Variants in TMEFF1 observed in about 807,000 individuals in gnomAD.
The protein encoded by TMEFF1 is transmembrane protein with EGF like and two follistatin like domains 1.
TMEFF1 carries 20 observed loss-of-function variants against 47.5 expected under a neutral mutation model. The observed-to-expected ratio is 0.42, with a 90% CI of 0.30 to 0.61. The LOEUF is 0.61. TMEFF1 is among the 20% of genes least tolerant of loss of function. The pLI, the probability that TMEFF1 is intolerant of heterozygous loss-of-function variation, is 0.19. For synonymous variants in TMEFF1, 162 were observed against 166.3 expected (o/e 0.97, Z 0.20); for missense variants, 411 against 471.1 (o/e 0.87, Z 1.18).
At chr9:100,495,447 T>C (rs1837634448) in intron 1 of TMEFF1, among the ~76,000 whole-genome samples, 1 of 152,216 alleles carries the variant, frequency 6.6e-6, no homozygotes, top group Non-Finnish European at 1.5e-5. Flanking sequence ...CCCTGTCTCT[T>C]GAACTCCTAC....
chr9:100,564,253 T>G (rs537341446), intron 8 of TMEFF1, among the ~76,000 whole-genome samples: 51 of 152,256 alleles, frequency 3.3e-4, no homozygotes, highest in African/African-American at 1.2e-3. Context: ...TTTTCTATTT[T>G]TAGTAGAGAC....
intron 5 of TMEFF1, among the ~76,000 whole-genome samples, chr9:100,545,105 C>T (rs1374974052): frequency 6.6e-6 from 1 of 152,174 alleles, no homozygotes; most frequent in African/African-American, 2.4e-5. Context: ...GTAGATCTGT[C>T]ATTCTGGGGT....
At chr9:100,521,472 A>G (rs1043392166) in intron 5 of TMEFF1, among the ~76,000 whole-genome samples, 4 of 152,290 alleles carry the variant, frequency 2.6e-5, no homozygotes, top group Non-Finnish European at 5.9e-5. Flanking sequence ...TAGACTTCCT[A>G]CTGGGTCTTA....
chr9:100,501,718 C>A (rs532328066), intron 2 of TMEFF1, among the ~76,000 whole-genome samples: 7 of 152,030 alleles, frequency 4.6e-5, no homozygotes, highest in Non-Finnish European at 1.0e-4. Flanking sequence ...GATCGTGGCT[C>A]ACTGCAACCT....
chr9:100,537,457 G>A (rs1838536966), intron 5 of TMEFF1, among the ~76,000 whole-genome samples: 1 of 152,208 alleles, frequency 6.6e-6, no homozygotes, highest in Admixed American at 6.5e-5. Context: ...GAGTCAATGG[G>A]TGGAAATTAA....
intron 6 of TMEFF1, among the ~76,000 whole-genome samples, chr9:100,549,528 A>T (rs73655590): frequency 0.12 from 17,880 of 152,090 alleles, 1,185 homozygotes; most frequent in Middle Eastern, 0.18. Flanking sequence ...CCCCTCTGTA[A>T]TTTTTCATTC....
chr9:100,480,547 T>C (rs1837321740), intron 1 of TMEFF1, among the ~76,000 whole-genome samples: 1 of 152,178 alleles, frequency 6.6e-6, no homozygotes, highest in African/African-American at 2.4e-5. Context: ...AGAAACCCTG[T>C]AAACTTTTGG....
At chr9:100,542,930 T>C in intron 5 of TMEFF1, among the ~76,000 whole-genome samples, 1 of 148,714 alleles carries the variant, frequency 6.7e-6, no homozygotes, top group African/African-American at 2.5e-5. Context: ...TCTCTTTTTT[T>C]TTTTTTTTTT....
At chr9:100,500,969 G>A (rs1241982300) in intron 2 of TMEFF1, among the ~76,000 whole-genome samples, 3 of 152,196 alleles carry the variant, frequency 2.0e-5, no homozygotes, top group Non-Finnish European at 2.9e-5. Context: ...TCTGCCCCAT[G>A]TGTGGTTTAG....
At chr9:100,527,669 C>T (rs1388786565) in intron 5 of TMEFF1, among the ~76,000 whole-genome samples, 2 of 152,134 alleles carry the variant, frequency 1.3e-5, no homozygotes, top group Admixed American at 1.3e-4. Flanking sequence ...GGGGGAGGGG[C>T]ACCCGCCATT....
At chr9:100,559,944 A>T (rs892332119) in intron 7 of TMEFF1, among the ~76,000 whole-genome samples, 1 of 151,808 alleles carries the variant, frequency 6.6e-6, no homozygotes, top group Non-Finnish European at 1.5e-5. Context: ...CTTAATAATC[A>T]TTAAGGTTTT....
At position 100,557,268 on chromosome 9, in the gene TMEFF1, A is replaced by G. The variant is rs1313829590; in HGVS notation, c.776-4129A>G. On this transcript the variant is annotated intron_variant, in intron 7 of 9. Coordinates refer to ENST00000374879, the MANE Select transcript of TMEFF1 (RefSeq NM_003692.5). ...TCTACACCCCTAAAAGAACCTCCAC[A>G]CCCATTATTAGTCAGTCACTCCCCA... 2.6e-5 allele frequency among the ~76,000 whole-genome samples: 4 copies of G among 151,836 alleles called. No individual in the cohort carries two copies. In the East Asian group the frequency reaches 5.8e-4, roughly 22 times the overall value.
chr9:100,487,322 C>A (rs1391712352), intron 1 of TMEFF1, among the ~76,000 whole-genome samples: 1 of 152,064 alleles, frequency 6.6e-6, no homozygotes, highest in East Asian at 1.9e-4. Context: ...CACCACCATA[C>A]CTGGCTAATT....
At chr9:100,525,502 G>A (rs924929791) in intron 5 of TMEFF1, among the ~76,000 whole-genome samples, 18 of 152,002 alleles carry the variant, frequency 1.2e-4, no homozygotes, top group South Asian at 2.1e-4. Context: ...GTGCAGGAGC[G>A]TCTGTCCCCA....
At chr9:100,532,870 A>AAATAT (rs1170083867) in intron 5 of TMEFF1, among the ~76,000 whole-genome samples, 1 of 152,212 alleles carries the variant, frequency 6.6e-6, no homozygotes, top group Non-Finnish European at 1.5e-5. Context: ...TGGATTAAGA[A>AAATAT]AATATGGCAT....
chr9:100,552,657 T>C (rs1838845778), intron 7 of TMEFF1, among the ~76,000 whole-genome samples: 1 of 152,080 alleles, frequency 6.6e-6, no homozygotes, highest in South Asian at 2.1e-4. Context: ...CTATTTAAAT[T>C]TAAATTAAAA....
intron 5 of TMEFF1, 95 bp from the exon 6 acceptor site, chr9:100,547,649 C>T: frequency 7.7e-7 from 1 of 1,302,172 alleles, no homozygotes. Context: ...ACTTCTGTTA[C>T]AGAAAGCAGA....
At chr9:100,562,728 T>C (rs187551928) in intron 8 of TMEFF1, among the ~76,000 whole-genome samples, 3 of 152,256 alleles carry the variant, frequency 2.0e-5, no homozygotes, top group Admixed American at 6.5e-5. Context: ...CGATCTTGGC[T>C]CACTGCAACC....
At chr9:100,521,834 C>G (rs527548033) in intron 5 of TMEFF1, among the ~76,000 whole-genome samples, 1 of 152,190 alleles carries the variant, frequency 6.6e-6, no homozygotes, top group Non-Finnish European at 1.5e-5. Context: ...GCTCTTCTGC[C>G]TTTTTTATGT....
Sources: allele counts gnomAD v4.1 joint callset (sites outside exome capture counted in the v4.1 genomes callset), GRCh38; gene constraint gnomAD v4.1.1; transcripts MANE v1.5; gene names NCBI Gene and HGNC (gene_info 2026-07-23, HGNC 2026-07-21).